The following BORCS8 variants were observed in gnomAD, a reference collection of about 807,000 sequenced individuals.
BORCS8 encodes the protein BLOC-1-related complex subunit 8.
Under a neutral mutation model 18.7 loss-of-function variants are expected in BORCS8, and 13 were observed. The observed-to-expected ratio is 0.70, with a 90% CI of 0.45 to 1.11. The LOEUF (loss-of-function observed/expected upper bound fraction) is 1.11. Ranked by LOEUF, BORCS8 falls within the 50% of genes least tolerant of loss-of-function variation. The pLI, the probability that BORCS8 is intolerant of heterozygous loss-of-function variation, is 0.00. For missense variants in BORCS8, 165 were observed against 165.7 expected (o/e 1.00, Z 0.02); for synonymous variants, 68 against 64.8 (o/e 1.05, Z -0.24).
rs369625304 is a variant in BORCS8, at chr19:19,186,054, G to A, written c.195C>T (p.Tyr65=). The A allele has an allele frequency of 6.4e-7, 1 of 1,551,110 alleles. No individual in the cohort carries two copies. Among genetic ancestry groups the A allele is most frequent in the African/African-American group, 1.4e-5 (1 of 73,048 alleles). ...RWEEQSQGAI[Y]TVEYACSAVK... is the part of the protein sequence containing the mutation. Reference sequence around the variant, plus strand: ...CTCACCTGCAGGCGTACTCCACAGTGTAGATGGCTCCCTGGCTCTGCTCCT... The same window carrying A: ...CTCACCTGCAGGCGTACTCCACAGTATAGATGGCTCCCTGGCTCTGCTCCT... Residue 65 remains tyrosine, a synonymous_variant, in exon 3 of 6, where the codon TAC becomes TAT. Coordinates refer to ENST00000462790, the MANE Select transcript of BORCS8 (RefSeq NM_001145784.2).
Position 19,177,975 on chromosome 19 carries a change from C to T in BORCS8, c.*43-515G>A, listed in dbSNP as rs372637314. 2.0e-4 allele frequency: 30 copies of T among 152,466 alleles called. No homozygotes were observed. In the South Asian group the frequency reaches 6.2e-3, roughly 32 times the overall value. 9.4% of individuals were successfully genotyped at this position (152,466 alleles called of 1,614,324 possible). A position where few individuals can be genotyped will look rare whatever the true frequency, so the allele number is the denominator to read the frequency against. On this transcript the variant is annotated intron_variant, in intron 5 of 5. Coordinates refer to ENST00000462790, the MANE Select transcript of BORCS8 (RefSeq NM_001145784.2). ...CTTGGCTCACTGGAACCTCTGCCTC[C>T]TGGGTTCAAGCGATTCTCATGCCTC...
At chr19:19,186,222 C>T in intron 2 of BORCS8, 124 bp from the exon 3 acceptor site, 1 of 880,420 alleles carries the variant, frequency 1.1e-6, no homozygotes, top group Non-Finnish European at 1.8e-6. Flanking sequence ...TTTCCTCCTG[C>T]AACTCCCTTC....
Position 19,182,604 on chromosome 19 carries a change from C to A in BORCS8, c.295G>T (p.Asp99Tyr). The change falls in exon 4 of 6, where the codon GAC becomes TAC. Residue 99 changes from aspartate to tyrosine, a missense_variant. Coordinates refer to ENST00000462790, the MANE Select transcript of BORCS8 (RefSeq NM_001145784.2). The surrounding 1 kb of genome is among the most constrained non-coding windows in gnomAD (Gnocchi z 4.1). ...GLLKQAISIR[D>Y]HMNASAQGHS... Reference sequence around the variant, plus strand: ...CCCTGGGCACTGGCATTCATATGGTCCCGGATGCTGATGGCCTGTTTGAGC... The same window carrying A: ...CCCTGGGCACTGGCATTCATATGGTACCGGATGCTGATGGCCTGTTTGAGC... The A allele has an allele frequency of 2.6e-6, 4 of 1,551,272 alleles. No homozygotes were observed. The highest frequency in any genetic ancestry group is 1.2e-5 in the South Asian group (1 of 84,036).
At chr19:19,180,817 G>C (rs1443380516) in intron 4 of BORCS8, 56 bp from the exon 5 acceptor site, 16 of 1,491,666 alleles carry the variant, frequency 1.1e-5, no homozygotes, top group East Asian at 7.5e-5. Flanking sequence ...CACAAGGCTT[G>C]CTCAGCTGGC....
At chr19:19,190,301 C>G (rs979305256) in intron 1 of BORCS8, among the ~76,000 whole-genome samples, 3 of 152,240 alleles carry the variant, frequency 2.0e-5, no homozygotes, top group African/African-American at 7.2e-5. Flanking sequence ...GCACCAGCCT[C>G]AAAGTTTGCT....
At chr19:19,181,802 A>C in intron 4 of BORCS8, 135 of 885,466 alleles carry the variant, frequency 1.5e-4, no homozygotes, top group Non-Finnish European at 1.7e-4. Flanking sequence ...CCAGTGGGGG[A>C]CAGGCCTGCC....
At chr19:19,188,788 C>T (rs1568569136) in intron 1 of BORCS8, among the ~76,000 whole-genome samples, 1 of 152,144 alleles carries the variant, frequency 6.6e-6, no homozygotes, top group African/African-American at 2.4e-5. Context: ...CACCAGCCAG[C>T]CCTGCCCTGT....
chr19:19,179,521 G>A (rs1271825348), intron 5 of BORCS8: 1 of 152,688 alleles, frequency 6.5e-6, no homozygotes, highest in South Asian at 2.1e-4. Flanking sequence ...GCTACAGCTT[G>A]AAAGGCCTAC....
Sources: gnomAD v4.1 joint callset for allele counts (sites outside exome capture counted in the v4.1 genomes callset) on GRCh38, gnomAD v4.1.1 for gene constraint, Gnocchi (gnomAD v3.1) non-coding constraint, MANE v1.5 for transcripts, NCBI Gene and HGNC (gene_info 2026-07-23, HGNC 2026-07-21) for gene names.